The following ARL15 variants were observed in gnomAD, a reference collection of about 807,000 sequenced individuals.
ARL15 encodes ARF like GTPase 15.
In ARL15, 19 loss-of-function variants were observed where a neutral mutation model predicts 25.2. That is an observed-to-expected ratio of 0.75 (90% CI 0.53 to 1.10). The LOEUF is 1.10. ARL15 is among the 50% of genes least tolerant of loss of function. ARL15 has a pLI of 0.00. For synonymous variants in ARL15, 94 were observed against 86.8 expected, an observed-to-expected ratio of 1.08 and a Z score of -0.46; for missense variants, 220 against 246.0, an observed-to-expected ratio of 0.89 and a Z score of 0.71.
At chr5:54,088,024 A>G (rs1752027394) in intron 4 of ARL15, among the ~76,000 whole-genome samples, 1 of 152,202 alleles carries the variant, frequency 6.6e-6, no homozygotes, top group Non-Finnish European at 1.5e-5. Context: ...TTTGGATATT[A>G]GCTGATTGAT....
chr5:54,252,311 T>G (rs1757251402), intron 1 of ARL15, among the ~76,000 whole-genome samples: 1 of 152,230 alleles, frequency 6.6e-6, no homozygotes, highest in African/African-American at 2.4e-5. Context: ...TAAGTCACCT[T>G]GTGCAATCCA....
chr5:54,152,586 A>G (rs1203660214), intron 3 of ARL15, among the ~76,000 whole-genome samples: 1 of 152,182 alleles, frequency 6.6e-6, no homozygotes, highest in Admixed American at 6.5e-5. Flanking sequence ...AAAAGAATCT[A>G]TGCATAGGCT....
chr5:54,106,220 G>A (rs1232719885), intron 4 of ARL15, among the ~76,000 whole-genome samples: 2 of 152,142 alleles, frequency 1.3e-5, no homozygotes, highest in African/African-American at 4.8e-5. Flanking sequence ...GAGTGGTGAG[G>A]ATTCGAGGAA....
chr5:53,959,783 C>T (rs1012165869), intron 4 of ARL15, among the ~76,000 whole-genome samples: 1 of 152,196 alleles, frequency 6.6e-6, no homozygotes, highest in Admixed American at 6.5e-5. Flanking sequence ...TCCCTCCTCA[C>T]TCCCTGCCCC....
chr5:53,999,262 A>G (rs756712727), intron 4 of ARL15, among the ~76,000 whole-genome samples: 5 of 152,216 alleles, frequency 3.3e-5, no homozygotes, highest in East Asian at 1.9e-4. Context: ...AAGCTCAGGA[A>G]GAAGGGAACT....
At chr5:54,095,618 A>AG (rs1752262242) in intron 4 of ARL15, among the ~76,000 whole-genome samples, 1 of 152,200 alleles carries the variant, frequency 6.6e-6, no homozygotes, top group Non-Finnish European at 1.5e-5. Flanking sequence ...AAAGATAGAC[A>AG]GGACAGTAAG....
At position 54,017,221 on chromosome 5, in the gene ARL15, A is replaced by C. The variant is rs371659353; in HGVS notation, c.462+95981T>G. 6.2e-4 allele frequency among the ~76,000 whole-genome samples: 95 copies of C among 152,308 alleles called. 2 individuals carry two copies. In the South Asian group the frequency reaches 0.018, roughly 28 times the overall value. On this transcript the variant is annotated intron_variant, in intron 4 of 4. Coordinates refer to ENST00000504924, the MANE Select transcript of ARL15 (RefSeq NM_019087.3). The stretch of plus-strand genomic sequence containing the variant: ...GCACAAGAGAGAGCTTAGGCTTGAC[A>C]TATTTCCCTAAAATGGTGTGTCTGT...
In ARL15 at chr5:54,305,958, G is replaced by A. The variant is rs138760731; in HGVS notation, c.48+4474C>T. On this transcript the variant is annotated intron_variant, in intron 1 of 4. Coordinates refer to ENST00000504924, the MANE Select transcript of ARL15 (RefSeq NM_019087.3). ...TTTTCAAGTCTAAGTTTATATTTTA[G>A]TTCACAATAAAACACACAAAATGAG... 4.6e-5 allele frequency among the ~76,000 whole-genome samples: 7 copies of A among 152,194 alleles called. No individual in the cohort carries two copies. The East Asian group carries it at 1.2e-3, about 25-fold the overall frequency.
intron 4 of ARL15, among the ~76,000 whole-genome samples, chr5:53,895,686 A>G (rs1007118245): frequency 5.9e-5 from 9 of 152,136 alleles, no homozygotes; most frequent in African/African-American, 2.2e-4. Context: ...TTAATATTCT[A>G]TCTACATATC....
chr5:54,192,863 C>A (rs561751354), intron 1 of ARL15, among the ~76,000 whole-genome samples: 1 of 152,110 alleles, frequency 6.6e-6, no homozygotes, highest in Admixed American at 6.6e-5. Context: ...CACAGATAAC[C>A]ATTGTATCTG....
At chr5:53,951,779 AC>A (rs1418362014) in intron 4 of ARL15, among the ~76,000 whole-genome samples, 1 of 151,770 alleles carries the variant, frequency 6.6e-6, no homozygotes, top group African/African-American at 2.4e-5. Flanking sequence ...TAAAATTATA[AC>A]CAGTTTCTTC....
chr5:54,071,006 GA>G (rs112111560), intron 4 of ARL15, among the ~76,000 whole-genome samples: 39,754 of 151,236 alleles, frequency 0.26, 6,587 homozygotes, highest in African/African-American at 0.47. Flanking sequence ...CTGTCTCTAT[GA>G]AAAAACACAA....
chr5:54,226,109 A>G (rs1756509605), intron 1 of ARL15, among the ~76,000 whole-genome samples: 1 of 152,060 alleles, frequency 6.6e-6, no homozygotes, highest in Admixed American at 6.6e-5. Context: ...AGGCAGTCAT[A>G]ATAGTGGGCA....
At chr5:53,956,964 C>A (rs1421930824) in intron 4 of ARL15, among the ~76,000 whole-genome samples, 1 of 151,302 alleles carries the variant, frequency 6.6e-6, no homozygotes, top group Non-Finnish European at 1.5e-5. Context: ...ACCAGCTGGA[C>A]ACCATAACAG....
chr5:53,980,603 A>G (rs1267953426), intron 4 of ARL15, among the ~76,000 whole-genome samples: 1 of 152,196 alleles, frequency 6.6e-6, no homozygotes, highest in Non-Finnish European at 1.5e-5. Flanking sequence ...GCTTAACTCC[A>G]TTTGTTCACT....
At chr5:53,939,944 A>T (rs1209869461) in intron 4 of ARL15, among the ~76,000 whole-genome samples, 1 of 151,702 alleles carries the variant, frequency 6.6e-6, no homozygotes, top group Non-Finnish European at 1.5e-5. Flanking sequence ...AACAACAAAC[A>T]ACTTTGATTT....
chr5:54,155,944 A>G (rs1021862879), intron 2 of ARL15, among the ~76,000 whole-genome samples: 1 of 152,212 alleles, frequency 6.6e-6, no homozygotes, highest in East Asian at 1.9e-4. Flanking sequence ...AAGGTTTTTA[A>G]GCATTATTTA....
chr5:54,121,203 A>G (rs1319355820), intron 3 of ARL15, among the ~76,000 whole-genome samples: 5 of 152,212 alleles, frequency 3.3e-5, no homozygotes, highest in South Asian at 4.1e-4. Context: ...TACTCACATA[A>G]CAAAATTGTA....
intron 4 of ARL15, among the ~76,000 whole-genome samples, chr5:54,055,352 C>CTTTTTT (rs147040538): frequency 3.6e-5 from 2 of 55,330 alleles, no homozygotes; most frequent in African/African-American, 8.1e-5. Context: ...ATCATCATTC[C>CTTTTTT]TTTTTTTTTT....
Sources: gnomAD v4.1 joint callset for allele counts (sites outside exome capture counted in the v4.1 genomes callset) on GRCh38, gnomAD v4.1.1 for gene constraint, MANE v1.5 for transcripts, NCBI Gene and HGNC (gene_info 2026-07-23, HGNC 2026-07-21) for gene names.